GLI4: variants seen among roughly 807,000 people sequenced by gnomAD.
GLI4 encodes GLI family zinc finger 4, also known as zinc finger protein GLI4.
GLI4 carries 34 observed loss-of-function variants against 30.9 expected under a neutral mutation model. The observed-to-expected ratio is 1.10, with a 90% CI of 0.84 to 1.47. GLI4 has a LOEUF of 1.47. Ranked by LOEUF, GLI4 falls within the 40% of genes most tolerant of loss-of-function variation. GLI4 has a pLI of 0.00. For missense variants in GLI4, 696 were observed against 538.9 expected (o/e 1.29, Z -2.89); for synonymous variants, 277 against 236.7 (o/e 1.17, Z -1.56).
chr8:143,268,098 A>C, intron 1 of GLI4: 2 of 985,294 alleles, frequency 2.0e-6, no homozygotes, highest in Non-Finnish European at 2.4e-6. Flanking sequence ...AGGTGTCCCC[A>C]GTAAGTTAAC....
At chr8:143,268,417 T>C (rs750961911) in intron 1 of GLI4, among the ~76,000 whole-genome samples, 25 of 152,188 alleles carry the variant, frequency 1.6e-4, no homozygotes, top group South Asian at 1.0e-3. Flanking sequence ...CTCAAGCCGT[T>C]TTTGCAAAGT....
intron 2 of GLI4, among the ~76,000 whole-genome samples, chr8:143,272,696 C>A (rs1446565742): frequency 6.6e-6 from 1 of 152,178 alleles, no homozygotes; most frequent in East Asian, 1.9e-4. Context: ...GCAGAAATGG[C>A]CCGAATGTGG....
chr8:143,269,091 C>G (rs559867190), intron 1 of GLI4, among the ~76,000 whole-genome samples: 4 of 152,294 alleles, frequency 2.6e-5, no homozygotes, highest in African/African-American at 9.6e-5. Flanking sequence ...ATCTACCCAC[C>G]TCGGCCTCAC....
intron 1 of GLI4, chr8:143,268,122 A>T (rs1815179367): frequency 1.0e-6 from 1 of 980,896 alleles, no homozygotes; most frequent in Non-Finnish European, 1.2e-6. Context: ...GTAACTTGAG[A>T]TGTGACTTCA....
At chr8:143,269,333 A>T in intron 1 of GLI4, 27 bp from the exon 2 acceptor site, 1 of 1,567,676 alleles carries the variant, frequency 6.4e-7, no homozygotes, top group Non-Finnish European at 8.7e-7. Context: ...CAATCCCCTC[A>T]TCTGCCATGG....
At chr8:143,275,039 C>T in intron 3 of GLI4, 1 of 1,529,022 alleles carries the variant, frequency 6.5e-7, no homozygotes, top group Non-Finnish European at 8.8e-7. Context: ...GCCAGTGGCC[C>T]CACGTGGACT....
intron 2 of GLI4, among the ~76,000 whole-genome samples, chr8:143,272,154 C>T (rs1183931119): frequency 1.3e-5 from 2 of 152,186 alleles, no homozygotes; most frequent in Non-Finnish European, 2.9e-5. Context: ...TGGGGGCTTG[C>T]AGCCCTGTGG....
chr8:143,276,660 C>T lies in GLI4; in HGVS notation c.987C>T (p.Gly329=), dbSNP rs779653016. 8.1e-6 allele frequency: 13 copies of T among 1,612,034 alleles called. No individual in the cohort carries two copies. In the East Asian group the frequency reaches 2.2e-4, roughly 28 times the overall value. ...AGCCCTACGAGTGCTCCGACTGCGG[C>T]AAAGCCTTCCGCGGCCGCTCGCACT... is the stretch of plus-strand genomic sequence containing the variant. ...GEKPYECSDC[G]KAFRGRSHFF... is the part of the protein sequence containing the mutation. The change falls in exon 4 of 4, where the codon GGC becomes GGT. Residue 329 remains glycine (G), a synonymous_variant. Coordinates refer to ENST00000340042, the MANE Select transcript of GLI4 (RefSeq NM_138465.4).
At chr8:143,275,042 C>T (rs1815353823) in intron 3 of GLI4, 3 of 1,530,942 alleles carry the variant, frequency 2.0e-6, no homozygotes, top group Middle Eastern at 1.7e-4. Context: ...AGTGGCCCCA[C>T]GTGGACTCCT....
rs1302619451 is a variant in GLI4, at chr8:143,274,792, C to T, written c.213C>T (p.Thr71=). The T allele has an allele frequency of 6.4e-7, 1 of 1,562,252 alleles. No individual in the cohort carries two copies. The highest frequency in any genetic ancestry group is 8.7e-7 in the Non-Finnish European group (1 of 1,150,766). ...DVEEVEIGRD[T]FWPDSEPKPE... Reference sequence around the variant, plus strand: ...AGGAAGTGGAGATCGGCAGAGACACCTTCTGGCCCGGTGAGTGAGCAGAAT... The same window carrying T: ...AGGAAGTGGAGATCGGCAGAGACACTTTCTGGCCCGGTGAGTGAGCAGAAT... The change falls in exon 3 of 4, where the codon ACC becomes ACT. Residue 71 remains threonine (T), a synonymous_variant. Coordinates refer to ENST00000340042, the MANE Select transcript of GLI4 (RefSeq NM_138465.4).
At position 143,269,453 on chromosome 8, in the gene GLI4, C is replaced by G. The variant is rs746072098; in HGVS notation, c.57C>G (p.Leu19=). ...CTTCTGTCCCGTCCCCTGTCAGTCTCTCATCACCGGGGACACCTGGAACCC... is the reference window on the plus strand; with the variant it reads ...CTTCTGTCCCGTCCCCTGTCAGTCTGTCATCACCGGGGACACCTGGAACCC... The part of the protein sequence containing the change: ...ESPSVPSPVS[L]SSPGTPGTQH... The change falls in exon 2 of 4, where the codon CTC becomes CTG. Residue 19 remains leucine, a synonymous_variant. Transcript: ENST00000340042. 15 of 1,609,648 alleles carry G rather than the reference C, an allele frequency of 9.3e-6. No homozygotes were observed. The highest frequency in any genetic ancestry group is 1.7e-6 in the Non-Finnish European group (2 of 1,176,544).
At position 143,276,771 on chromosome 8, in the gene GLI4, C is replaced by G; in HGVS notation, c.1098C>G (p.Leu366=). The part of the protein sequence containing the change: ...CGKAFGQSSQ[L]IQHQRVHYRE ...AGGCCTTCGGCCAGAGCTCCCAGCT[C>G]ATCCAGCACCAGCGGGTGCACTACC... Residue 366 remains leucine (L), a synonymous_variant, in exon 4 of 4, where the codon CTC becomes CTG. Coordinates refer to ENST00000340042, the MANE Select transcript of GLI4 (RefSeq NM_138465.4). 1 of 1,595,604 alleles carries G rather than the reference C, an allele frequency of 6.3e-7. No homozygotes were observed. Among genetic ancestry groups the G allele is most frequent in the Non-Finnish European group, 8.5e-7 (1 of 1,171,584 alleles).
In GLI4 at chr8:143,275,879, T is replaced by C; in HGVS notation, c.224-18T>C. ...GGGGCATGCGGGTACTATCCGCCTC[T>C]GCCGTTTCTCATTTCAGACTCCGAG... On this transcript the variant is annotated intron_variant, in intron 3 of 3. Coordinates refer to ENST00000340042, the MANE Select transcript of GLI4 (RefSeq NM_138465.4). 2 of 1,275,344 alleles carry C rather than the reference T, an allele frequency of 1.6e-6. No homozygotes were observed. Among genetic ancestry groups the C allele is most frequent in the East Asian group, 6.2e-5 (2 of 32,190 alleles). 79.0% of individuals were successfully genotyped at this position (1,275,344 alleles called of 1,614,324 possible). A position where few individuals can be genotyped will look rare whatever the true frequency, so the allele number is the denominator to read the frequency against.
At chr8:143,270,635 A>C (rs1815247232) in intron 2 of GLI4, among the ~76,000 whole-genome samples, 1 of 152,158 alleles carries the variant, frequency 6.6e-6, no homozygotes, top group Non-Finnish European at 1.5e-5. Flanking sequence ...CTTAGTCAGA[A>C]TCTCAGGGCC....
In GLI4 at chr8:143,274,780, C is replaced by G. The variant is rs760771530; in HGVS notation, c.201C>G (p.Ile67Met). The change falls in exon 3 of 4, where the codon ATC becomes ATG. Residue 67 changes from isoleucine (I) to methionine (M), a missense_variant. Coordinates refer to ENST00000340042, the MANE Select transcript of GLI4 (RefSeq NM_138465.4). ...TCCAAGACGTAGAGGAAGTGGAGAT[C>G]GGCAGAGACACCTTCTGGCCCGGTG... ...LDLQDVEEVEIGRDTFWPDSE... is the reference protein window; with the variant it reads ...LDLQDVEEVEMGRDTFWPDSE... 1 of 1,567,308 alleles carries G rather than the reference C, an allele frequency of 6.4e-7. No homozygotes were observed. Among genetic ancestry groups the G allele is most frequent in the Non-Finnish European group, 8.7e-7 (1 of 1,153,790 alleles).
chr8:143,272,854 C>T (rs941385995), intron 2 of GLI4, among the ~76,000 whole-genome samples: 2 of 152,160 alleles, frequency 1.3e-5, no homozygotes, highest in African/African-American at 4.8e-5. Flanking sequence ...GAGCTGGGGG[C>T]CATCCTGAGT....
intron 1 of GLI4, among the ~76,000 whole-genome samples, chr8:143,269,090 C>T (rs541749744): frequency 1.3e-5 from 2 of 152,340 alleles, no homozygotes; most frequent in South Asian, 4.1e-4. Flanking sequence ...GATCTACCCA[C>T]CTCGGCCTCA....
chr8:143,273,976 C>T (rs912475845), intron 2 of GLI4, among the ~76,000 whole-genome samples: 9 of 152,222 alleles, frequency 5.9e-5, no homozygotes, highest in African/African-American at 1.7e-4. Flanking sequence ...TGGCCTCGGG[C>T]AGTGGAGCCC....
Position 143,276,352 on chromosome 8 carries a change from A to AG in GLI4, c.679_680insG (p.Ile227SerfsTer66). ...GCGCTTCCGCGGCTGGTCGGGCTTC[A>AG]TCCAGCACCACCGCATCCACACGGG... On this transcript the variant is annotated frameshift_variant, in exon 4 of 4. Coordinates refer to ENST00000340042, the MANE Select transcript of GLI4 (RefSeq NM_138465.4). LOFTEE classifies it high-confidence loss of function. 6.2e-7 allele frequency: 1 copy of AG among 1,607,794 alleles called. No individual in the cohort carries two copies. The highest frequency in any genetic ancestry group is 8.5e-7 in the Non-Finnish European group (1 of 1,178,372).
Sources: gnomAD v4.1 joint callset for allele counts (sites outside exome capture counted in the v4.1 genomes callset) on GRCh38, gnomAD v4.1.1 for gene constraint, MANE v1.5 for transcripts, NCBI Gene and HGNC (gene_info 2026-07-23, HGNC 2026-07-21) for gene names.